Variants in GABRG3 observed in about 807,000 individuals in gnomAD.
The protein encoded by GABRG3 is gamma-aminobutyric acid type A receptor subunit gamma3, also known as gamma-aminobutyric acid receptor subunit gamma-3.
GABRG3 carries 25 observed loss-of-function variants against 48.8 expected under a neutral mutation model. The observed-to-expected ratio is 0.51, with a 90% confidence interval of 0.37 to 0.72. The LOEUF (loss-of-function observed/expected upper bound fraction) is 0.72. Ranked by LOEUF, GABRG3 falls within the 30% of genes least tolerant of loss-of-function variation. GABRG3 has a pLI of 0.00. For synonymous variants in GABRG3, 227 were observed against 217.6 expected (o/e 1.04, Z -0.38); for missense variants, 394 against 577.9 (o/e 0.68, Z 3.26).
At chr15:27,417,012 A>G (rs958846071) in intron 5 of GABRG3, among the ~76,000 whole-genome samples, 2 of 152,130 alleles carry the variant, frequency 1.3e-5, no homozygotes, top group Non-Finnish European at 1.5e-5. Flanking sequence ...AAAGTAATCA[A>G]CCCCTTAATG....
chr15:27,109,412 A>G (rs1566937609), intron 3 of GABRG3, among the ~76,000 whole-genome samples: 1 of 152,168 alleles, frequency 6.6e-6, no homozygotes, highest in Non-Finnish European at 1.5e-5. Flanking sequence ...TGAATGTGTA[A>G]CGCTATGTAT....
At chr15:27,022,540 C>G (rs1895914645) in intron 2 of GABRG3, among the ~76,000 whole-genome samples, 1 of 152,184 alleles carries the variant, frequency 6.6e-6, no homozygotes, top group African/African-American at 2.4e-5. Context: ...TTTTACCTGT[C>G]AAGTCCCAAA....
intron 5 of GABRG3, chr15:27,350,458 ACATT>A (rs1236587008): frequency 5.9e-5 from 19 of 324,022 alleles, no homozygotes; most frequent in Non-Finnish European, 1.0e-4. Context: ...AAAAATGGAC[ACATT>A]CAGTATAAGC....
At chr15:27,109,974 CTT>C (rs1247862713) in intron 3 of GABRG3, among the ~76,000 whole-genome samples, 1 of 152,118 alleles carries the variant, frequency 6.6e-6, no homozygotes, top group Non-Finnish European at 1.5e-5. Flanking sequence ...TTTATATCCA[CTT>C]TGTCTATCTC....
intron 3 of GABRG3, among the ~76,000 whole-genome samples, chr15:27,218,614 T>G (rs1889345027): frequency 6.6e-6 from 1 of 152,152 alleles, no homozygotes; most frequent in South Asian, 2.1e-4. Context: ...TTGAGTGTGG[T>G]GTCCTGGCTG....
At chr15:27,187,885 A>T (rs1284116976) in intron 3 of GABRG3, among the ~76,000 whole-genome samples, 3 of 54,724 alleles carry the variant, frequency 5.5e-5, no homozygotes, top group African/African-American at 2.2e-4. Flanking sequence ...CCCTCCCCCC[A>T]CCCCACAACA....
chr15:27,035,168 T>G (rs1896154577), intron 3 of GABRG3, among the ~76,000 whole-genome samples: 1 of 152,230 alleles, frequency 6.6e-6, no homozygotes. Flanking sequence ...GTCTGACATG[T>G]AAAACTGCTT....
At chr15:27,283,607 A>G (rs556465634) in intron 3 of GABRG3, among the ~76,000 whole-genome samples, 20 of 152,274 alleles carry the variant, frequency 1.3e-4, no homozygotes, top group Admixed American at 3.3e-4. Flanking sequence ...CTCCGTCAAA[A>G]AATAAAGGTG....
At chr15:27,503,712 C>T (rs556365850) in intron 6 of GABRG3, among the ~76,000 whole-genome samples, 1 of 152,302 alleles carries the variant, frequency 6.6e-6, no homozygotes, top group South Asian at 2.1e-4. Flanking sequence ...TTGTTCAAAT[C>T]TTTTGTGTTC....
rs992825346 is a variant in GABRG3, at chr15:27,075,928, G to T, written c.270+49107G>T. ...CTATGTGTCTGTTCTACCATGTGCT[G>T]GTCCTTTCCACAGTGCGAGTCACGG... On this transcript the variant is annotated intron_variant, in intron 3 of 9. Coordinates refer to ENST00000615808, the MANE Select transcript of GABRG3 (RefSeq NM_033223.5). Among the ~76,000 whole-genome samples the T allele has an allele frequency of 3.3e-5, 5 of 152,230 alleles. 1 individual carries two copies. The South Asian group carries it at 1.0e-3, about 32-fold the overall frequency.
chr15:27,477,396 C>A (rs1261898328), intron 5 of GABRG3, among the ~76,000 whole-genome samples: 1 of 152,084 alleles, frequency 6.6e-6, no homozygotes, highest in Non-Finnish European at 1.5e-5. Context: ...GTAAAAGGAT[C>A]AGTAGTTGCT....
chr15:27,153,395 A>G (rs1898358701), intron 3 of GABRG3, among the ~76,000 whole-genome samples: 1 of 152,168 alleles, frequency 6.6e-6, no homozygotes, highest in African/African-American at 2.4e-5. Context: ...TGGTTACTGT[A>G]GCTATACAAT....
intron 3 of GABRG3, among the ~76,000 whole-genome samples, chr15:27,187,237 G>A (rs1888126964): frequency 6.6e-6 from 1 of 152,100 alleles, no homozygotes; most frequent in Admixed American, 6.6e-5. Context: ...ATGGTTGTAG[G>A]TGAGGAGCTT....
rs1157618041 is a variant in GABRG3 at position 27,308,241 on chromosome 15, CAT to C, written c.271-18562_271-18561del. Among the ~76,000 whole-genome samples the C allele has an allele frequency of 1.1e-3, 148 of 131,074 alleles. 7 individuals are homozygous for C. The highest frequency in any genetic ancestry group is 2.1e-3 in the Non-Finnish European group (133 of 64,208). 86.0% of individuals were successfully genotyped at this position (131,074 alleles called of 152,430 possible). A position where few individuals can be genotyped will look rare whatever the true frequency, so the allele number is the denominator to read the frequency against. On this transcript the variant is annotated intron_variant, in intron 3 of 9. Coordinates refer to ENST00000615808, the MANE Select transcript of GABRG3 (RefSeq NM_033223.5). ...ATATAAACATGTTTATATATCCAAA[CAT>C]ATATAAACATACGTTTATATATAAA...
intron 3 of GABRG3, among the ~76,000 whole-genome samples, chr15:27,266,185 T>C (rs1247285935): frequency 3.8e-5 from 1 of 26,124 alleles, no homozygotes; most frequent in Admixed American, 3.2e-4. Context: ...TGGACCTGAT[T>C]TTTTTTTTCT....
intron 5 of GABRG3, among the ~76,000 whole-genome samples, chr15:27,355,798 A>G (rs563868444): frequency 6.6e-6 from 1 of 152,362 alleles, no homozygotes; most frequent in South Asian, 2.1e-4. Flanking sequence ...TTAAAATGGA[A>G]GGAAATTCAA....
At chr15:27,004,447 G>C (rs528482804) in intron 2 of GABRG3, among the ~76,000 whole-genome samples, 1 of 150,826 alleles carries the variant, frequency 6.6e-6, no homozygotes, top group Non-Finnish European at 1.5e-5. Context: ...GGGCAGAGAC[G>C]CTCCCCACTT....
chr15:27,245,411 TGA>T (rs1890240210), intron 3 of GABRG3, among the ~76,000 whole-genome samples: 1 of 152,222 alleles, frequency 6.6e-6, no homozygotes, highest in Non-Finnish European at 1.5e-5. Flanking sequence ...ATAAATGGTA[TGA>T]GTTATATGAG....
chr15:27,528,811 G>A lies in GABRG3; in HGVS notation c.1122+819G>A, dbSNP rs73373608. Among the ~76,000 whole-genome samples the A allele has an allele frequency of 4.6e-5, 7 of 151,892 alleles. No homozygotes were observed. The South Asian group carries it at 1.5e-3, about 32-fold the overall frequency. ...ATTTTAAGGTAGCAATCTGACAGTGGTGTATATGTTACATATTATATAAAT... is the reference window on the plus strand; with the variant it reads ...ATTTTAAGGTAGCAATCTGACAGTGATGTATATGTTACATATTATATAAAT... On this transcript the variant is annotated intron_variant, in intron 9 of 9. Coordinates refer to ENST00000615808, the MANE Select transcript of GABRG3 (RefSeq NM_033223.5).
Sources: allele counts gnomAD v4.1 joint callset (sites outside exome capture counted in the v4.1 genomes callset), GRCh38; gene constraint gnomAD v4.1.1; transcripts MANE v1.5; gene names NCBI Gene and HGNC (gene_info 2026-07-23, HGNC 2026-07-21).